RPH3AL: variants seen among roughly 807,000 people sequenced by gnomAD.
RPH3AL encodes the protein rabphilin 3A like (without C2 domains), also known as rab effector Noc2.
Under a neutral mutation model 43.1 loss-of-function variants are expected in RPH3AL, and 38 were observed. The ratio of observed to expected loss-of-function variants is 0.88; its 90% CI spans 0.68 to 1.15. The LOEUF (loss-of-function observed/expected upper bound fraction) is 1.15. RPH3AL is among the 50% of genes most tolerant of loss of function. The probability of loss-of-function intolerance (pLI) is 0.00; values close to 1 mark genes in which losing one functional copy is unlikely to be tolerated. For synonymous variants in RPH3AL, 189 were observed against 176.3 expected (o/e 1.07, Z -0.57); for missense variants, 462 against 423.2 (o/e 1.09, Z -0.81).
chr17:337,457 GCCT>G (rs1335064616), intron 1 of RPH3AL, among the ~76,000 whole-genome samples: 1 of 152,084 alleles, frequency 6.6e-6, no homozygotes. Context: ...AGCCTCGCTG[GCCT>G]CCTTAACCTG....
intron 6 of RPH3AL, among the ~76,000 whole-genome samples, chr17:266,413 G>A (rs1373881648): frequency 6.6e-6 from 1 of 152,176 alleles, no homozygotes; most frequent in Non-Finnish European, 1.5e-5. Context: ...CATCCTGCCT[G>A]GAAAGTCTGC....
chr17:277,954 C>CA lies in RPH3AL; in HGVS notation c.438+3813dup, dbSNP rs201231675. On this transcript the variant is annotated intron_variant, in intron 6 of 9. Coordinates refer to ENST00000331302, the MANE Select transcript of RPH3AL (RefSeq NM_006987.4). ...TGGGTGACACAGTGAGATCCTGTCTCAAAAAAACAAAACAAATAAAAAAAA... is the reference window on the plus strand; with the variant it reads ...TGGGTGACACAGTGAGATCCTGTCTCAAAAAAAACAAAACAAATAAAAAAAA... 5.2e-4 allele frequency among the ~76,000 whole-genome samples: 78 copies of CA among 150,964 alleles called. No homozygotes were observed. The South Asian group carries it at 9.0e-3, about 17-fold the overall frequency.
intron 7 of RPH3AL, among the ~76,000 whole-genome samples, chr17:237,868 C>A (rs530239039): frequency 2.0e-5 from 3 of 152,166 alleles, no homozygotes; most frequent in Non-Finnish European, 4.4e-5. Context: ...ACACAGCAGG[C>A]CGGGTGCGGT....
At chr17:347,877 C>T (rs999204073) in intron 1 of RPH3AL, among the ~76,000 whole-genome samples, 3 of 151,674 alleles carry the variant, frequency 2.0e-5, no homozygotes, top group African/African-American at 4.9e-5. Context: ...AAAAAATGAG[C>T]TAGTAAGGCT....
intron 5 of RPH3AL, among the ~76,000 whole-genome samples, chr17:313,729 C>A (rs537784001): frequency 6.6e-6 from 1 of 152,166 alleles, no homozygotes; most frequent in East Asian, 1.9e-4. Flanking sequence ...TCGTTCACGG[C>A]GTCGGCAGGA....
rs924253011 is a variant in RPH3AL, at chr17:282,852, T to C, written c.352-998A>G. Among the ~76,000 whole-genome samples the C allele has an allele frequency of 1.6e-4, 25 of 152,338 alleles. No individual in the cohort carries two copies. The East Asian group carries it at 3.7e-3, about 22-fold the overall frequency. ...TGTGACACAGCGGAAAGTATTCCTG[T>C]ATCTAAATATATCATAGAAATGGTA... On this transcript the variant is annotated intron_variant, in intron 5 of 9. Coordinates refer to ENST00000331302, the MANE Select transcript of RPH3AL (RefSeq NM_006987.4).
intron 1 of RPH3AL, among the ~76,000 whole-genome samples, chr17:335,467 C>T (rs915382370): frequency 6.6e-5 from 10 of 152,070 alleles, no homozygotes; most frequent in Admixed American, 1.3e-4. Flanking sequence ...ATGAAATGCA[C>T]GGCCCGGCCA....
chr17:269,148 G>A (rs893424845), intron 6 of RPH3AL, among the ~76,000 whole-genome samples: 3 of 152,104 alleles, frequency 2.0e-5, no homozygotes, highest in African/African-American at 4.8e-5. Flanking sequence ...AAAGTGCTGG[G>A]ATCACAGGCG....
intron 5 of RPH3AL, among the ~76,000 whole-genome samples, chr17:286,369 C>T (rs757629558): frequency 5.3e-5 from 8 of 152,164 alleles, no homozygotes; most frequent in Non-Finnish European, 7.4e-5. Context: ...TACCAACCAA[C>T]GCTGGCGGCA....
chr17:350,157 C>T (rs1298579108), intron 1 of RPH3AL, among the ~76,000 whole-genome samples: 1 of 152,170 alleles, frequency 6.6e-6, no homozygotes, highest in Non-Finnish European at 1.5e-5. Flanking sequence ...ATGCATTCCT[C>T]AACAGGTTTT....
rs373922441 is a variant in RPH3AL at position 273,387 on chromosome 17, A to T, written c.438+8381T>A. 1.2e-3 allele frequency among the ~76,000 whole-genome samples: 23 copies of T among 19,516 alleles called. 1 individual carries two copies. Among genetic ancestry groups the T allele is most frequent in the East Asian group, 3.5e-3 (1 of 284 alleles). The allele number at this position is 19,516 out of a possible 152,430, so 12.8% of individuals were successfully genotyped here. On this transcript the variant is annotated intron_variant, in intron 6 of 9. Coordinates refer to ENST00000331302, the MANE Select transcript of RPH3AL (RefSeq NM_006987.4). ...GACCCCAGCGAGGGTGACGTCAGGGAGAGACCCCAGCGAGGGTGACGTCAG... is the reference window on the plus strand; with the variant it reads ...GACCCCAGCGAGGGTGACGTCAGGGTGAGACCCCAGCGAGGGTGACGTCAG...
chr17:220,033 T>C (rs1425980670), intron 7 of RPH3AL, among the ~76,000 whole-genome samples: 1 of 152,126 alleles, frequency 6.6e-6, no homozygotes, highest in Non-Finnish European at 1.5e-5. Flanking sequence ...TTCTAGTTCC[T>C]CTAGTGGAAC....
intron 6 of RPH3AL, among the ~76,000 whole-genome samples, chr17:257,259 C>T (rs868938836): frequency 4.2e-3 from 93 of 22,038 alleles, no homozygotes; most frequent in Admixed American, 7.2e-3. Flanking sequence ...ATGAGGGGAG[C>T]CGCACGGCGT....
At chr17:291,244 T>C (rs11650366) in intron 5 of RPH3AL, among the ~76,000 whole-genome samples, 131,380 of 152,200 alleles carry the variant, frequency 0.86, 58,588 homozygotes, top group Non-Finnish European at 0.98. Context: ...AGTTTATCCA[T>C]TAGCAAAACT....
chr17:276,757 T>C (rs1331047600), intron 6 of RPH3AL, among the ~76,000 whole-genome samples: 1 of 152,196 alleles, frequency 6.6e-6, no homozygotes, highest in Non-Finnish European at 1.5e-5. Context: ...ACCATTTCAC[T>C]ATTCGCTCTC....
At chr17:217,105 G>C (rs1460235138) in intron 8 of RPH3AL, among the ~76,000 whole-genome samples, 1 of 132,152 alleles carries the variant, frequency 7.6e-6, no homozygotes, top group Non-Finnish European at 1.6e-5. Flanking sequence ...CACTAAAATT[G>C]GCCTCGCTGA....
At chr17:239,839 A>G (rs1308322843) in intron 7 of RPH3AL, among the ~76,000 whole-genome samples, 2 of 152,208 alleles carry the variant, frequency 1.3e-5, no homozygotes, top group Non-Finnish European at 2.9e-5. Context: ...TACGTTGCCC[A>G]GGCTAGTCTT....
In RPH3AL at chr17:322,891, C is replaced by T. The variant is rs1383120682; in HGVS notation, c.78-1476G>A. 6.6e-6 allele frequency among the ~76,000 whole-genome samples: 1 copy of T among 152,004 alleles called. No homozygotes were observed. Among genetic ancestry groups the T allele is most frequent in the Non-Finnish European group, 1.5e-5 (1 of 67,984 alleles). On this transcript the variant is annotated intron_variant, in intron 3 of 9. Transcript: ENST00000331302. This position sits in a 1 kb window ranked among gnomAD's most constrained non-coding sequence, Gnocchi z 4.0. Reference sequence around the variant, plus strand: ...GATCTAGGGTTTGGAGTCCACTGGACAGTCTTATCTTCTGGTCCCGTCCCT... The same window carrying T: ...GATCTAGGGTTTGGAGTCCACTGGATAGTCTTATCTTCTGGTCCCGTCCCT...
intron 6 of RPH3AL, among the ~76,000 whole-genome samples, chr17:259,031 G>A (rs1555545431): frequency 6.6e-6 from 1 of 152,158 alleles, no homozygotes; most frequent in Admixed American, 6.5e-5. Context: ...GGCAGGCCAC[G>A]TGCCTCCCCG....
Sources: gnomAD v4.1 joint callset for allele counts (sites outside exome capture counted in the v4.1 genomes callset) on GRCh38, gnomAD v4.1.1 for gene constraint, Gnocchi (gnomAD v3.1) non-coding constraint, MANE v1.5 for transcripts, NCBI Gene and HGNC (gene_info 2026-07-23, HGNC 2026-07-21) for gene names.